The following CDH11 variants were observed in gnomAD, a reference collection of about 807,000 sequenced individuals.
The protein encoded by CDH11 is cadherin 11.
CDH11 carries 11 observed loss-of-function variants against 67.8 expected under a neutral mutation model. That is an observed-to-expected ratio of 0.16 (90% confidence interval 0.10 to 0.27). The LOEUF is 0.27. CDH11 is among the 10% of genes least tolerant of loss of function. The pLI is 1.00. For synonymous variants in CDH11, 419 were observed against 400.0 expected (o/e 1.05, Z -0.57); for missense variants, 847 against 1,031.2 (o/e 0.82, Z 2.45).
At chr16:65,072,997 A>T (rs2074444301) in intron 1 of CDH11, among the ~76,000 whole-genome samples, 1 of 152,260 alleles carries the variant, frequency 6.6e-6, no homozygotes, top group African/African-American at 2.4e-5. Context: ...CATTATCATC[A>T]TCATTAGTGT....
At chr16:65,013,731 G>A (rs2073231447) in intron 2 of CDH11, among the ~76,000 whole-genome samples, 1 of 151,982 alleles carries the variant, frequency 6.6e-6, no homozygotes, top group African/African-American at 2.4e-5. Flanking sequence ...GGAGGCTGAG[G>A]CAGAAGAATT....
rs2071236597 is a variant in CDH11 at position 64,947,864 on chromosome 16, T to G, written c.2130A>C (p.Pro710=). 6.8e-6 allele frequency: 11 copies of G among 1,614,058 alleles called. No homozygotes were observed. The highest frequency in any genetic ancestry group is 1.3e-5 in the African/African-American group (1 of 74,936). ...CATCGACATCCACGCTGTTGGGCGC[T>G]GGCCGGAGCCCAGGTCTAGGCATGT... ...YQYMPRPGLR[P]APNSVDVDDF... The change falls in exon 13 of 13, where the codon CCA becomes CCC. Residue 710 remains proline, a synonymous_variant. Coordinates refer to ENST00000268603, the MANE Select transcript of CDH11 (RefSeq NM_001797.4).
chr16:64,950,536 T>C (rs536968639), intron 12 of CDH11, among the ~76,000 whole-genome samples: 1 of 152,284 alleles, frequency 6.6e-6, no homozygotes, highest in South Asian at 2.1e-4. Context: ...TGTTCTCTGC[T>C]GGAACTCAGT....
intron 1 of CDH11, among the ~76,000 whole-genome samples, chr16:65,115,993 T>C (rs1321707375): frequency 6.6e-6 from 1 of 151,974 alleles, no homozygotes; most frequent in East Asian, 1.9e-4. Context: ...AAGACAAAAT[T>C]TTCAATCAAG....
At chr16:65,071,184 G>A (rs2074409433) in intron 1 of CDH11, among the ~76,000 whole-genome samples, 2 of 152,288 alleles carry the variant, frequency 1.3e-5, no homozygotes, top group South Asian at 4.1e-4. Context: ...TGGTCCCAGT[G>A]GAAAATGAAA....
At chr16:65,046,824 G>T (rs761721876) in intron 2 of CDH11, among the ~76,000 whole-genome samples, 6 of 152,096 alleles carry the variant, frequency 3.9e-5, no homozygotes, top group Admixed American at 6.5e-5. Context: ...TAAAATTAAG[G>T]TGGCTGGGCG....
intron 2 of CDH11, among the ~76,000 whole-genome samples, chr16:65,041,711 C>T (rs2073871282): frequency 1.3e-5 from 2 of 152,212 alleles, no homozygotes; most frequent in Non-Finnish European, 2.9e-5. Flanking sequence ...TTATTCTCCG[C>T]GTTTGCTTGA....
Position 64,998,558 on chromosome 16 carries a change from G to A in CDH11, c.523+4C>T, listed in dbSNP as rs756910412. ...GCAGAGCAGGCCTCCCACACCGTAC[G>A]CACCCACATTGGACCTCTCAGGCAC... On this transcript the variant is annotated splice_donor_region_variant and intron_variant, in intron 4 of 12. Coordinates refer to ENST00000268603, the MANE Select transcript of CDH11 (RefSeq NM_001797.4). 26 of 1,613,580 alleles carry A rather than the reference G, an allele frequency of 1.6e-5. No homozygotes were observed. In the Admixed American group the frequency reaches 2.7e-4, roughly 17 times the overall value.
rs767872579 is a variant in CDH11, at chr16:64,946,857, T to C, written c.*746A>G. On this transcript the variant is annotated 3_prime_UTR_variant, in exon 13 of 13. Transcript: ENST00000268603. The stretch of plus-strand genomic sequence containing the variant: ...TATTAAAGCAACAGTACAATGTTCA[T>C]AAAATATAAGTGTGATGCCGTAACA... 1.6e-4 allele frequency: 133 copies of C among 853,284 alleles called. No homozygotes were observed. Among genetic ancestry groups the C allele is most frequent in the Non-Finnish European group, 1.8e-4 (128 of 698,556 alleles). The allele number at this position is 853,284 out of a possible 1,614,324, so 52.9% of individuals were successfully genotyped here.
At chr16:65,051,787 C>T (rs2074060420) in intron 2 of CDH11, among the ~76,000 whole-genome samples, 1 of 152,142 alleles carries the variant, frequency 6.6e-6, no homozygotes, top group South Asian at 2.1e-4. Flanking sequence ...CTTCTGCCAC[C>T]TTGTGAAGAA....
chr16:64,960,532 C>A (rs1343813864), intron 11 of CDH11, among the ~76,000 whole-genome samples: 1 of 152,028 alleles, frequency 6.6e-6, no homozygotes, highest in African/African-American at 2.4e-5. Flanking sequence ...ACAAGGCAGC[C>A]CAAATGTTCT....
chr16:65,029,732 CCTTATT>C (rs2073605567), intron 2 of CDH11, among the ~76,000 whole-genome samples: 1 of 152,132 alleles, frequency 6.6e-6, no homozygotes, highest in Admixed American at 6.5e-5. Flanking sequence ...AATCGCTTGT[CCTTATT>C]CTATTGGGCG....
intron 1 of CDH11, among the ~76,000 whole-genome samples, chr16:65,085,453 A>G (rs1209273553): frequency 6.6e-6 from 1 of 152,220 alleles, no homozygotes; most frequent in East Asian, 1.9e-4. Context: ...TAGCCAAATA[A>G]TGTATATAAC....
intron 1 of CDH11, among the ~76,000 whole-genome samples, chr16:65,085,573 T>C (rs2074683566): frequency 6.6e-6 from 1 of 152,212 alleles, no homozygotes; most frequent in Admixed American, 6.5e-5. Flanking sequence ...AGGCAGGAGA[T>C]GTAGGTAGAT....
intron 1 of CDH11, among the ~76,000 whole-genome samples, chr16:65,096,573 T>C (rs2074901249): frequency 6.6e-6 from 1 of 151,212 alleles, no homozygotes; most frequent in African/African-American, 2.4e-5. Context: ...TACACACATA[T>C]ATTATACATA....
chr16:65,010,450 A>C (rs190382530), intron 2 of CDH11, among the ~76,000 whole-genome samples: 2 of 152,304 alleles, frequency 1.3e-5, no homozygotes, highest in East Asian at 3.9e-4. Flanking sequence ...AAGTATTACA[A>C]GAATTATTGA....
In CDH11 at chr16:64,998,862, A is replaced by G. The variant is rs2072842853; in HGVS notation, c.229-6T>C. The G allele has an allele frequency of 1.9e-6, 3 of 1,611,032 alleles. No homozygotes were observed. Among genetic ancestry groups the G allele is most frequent in the Non-Finnish European group, 1.7e-6 (2 of 1,177,706 alleles). Reference sequence around the variant, plus strand: ...GAGTCAATATCTGAATGAAGCTGGAAGAAAGAGAAATTGAGATTTTTAATT... The same window carrying G: ...GAGTCAATATCTGAATGAAGCTGGAGGAAAGAGAAATTGAGATTTTTAATT... On this transcript the variant is annotated splice_region_variant and splice_polypyrimidine_tract_variant and intron_variant, in intron 3 of 12. Coordinates refer to ENST00000268603, the MANE Select transcript of CDH11 (RefSeq NM_001797.4).
At chr16:65,062,017 T>C (rs962458916) in intron 1 of CDH11, among the ~76,000 whole-genome samples, 21 of 152,158 alleles carry the variant, frequency 1.4e-4, no homozygotes, top group Non-Finnish European at 2.6e-4. Flanking sequence ...ACACAGGCAG[T>C]TTGCATCTAT....
At chr16:64,949,678 C>T (rs747568074) in intron 12 of CDH11, among the ~76,000 whole-genome samples, 47 of 152,052 alleles carry the variant, frequency 3.1e-4, no homozygotes, top group Middle Eastern at 3.4e-3. Context: ...AGCCTGCCTC[C>T]GCCTCCCAAA....
Sources: gnomAD v4.1 joint callset for allele counts (sites outside exome capture counted in the v4.1 genomes callset) on GRCh38, gnomAD v4.1.1 for gene constraint, MANE v1.5 for transcripts, NCBI Gene and HGNC (gene_info 2026-07-23, HGNC 2026-07-21) for gene names.